ACTG2: variants seen among roughly 807,000 people sequenced by gnomAD.
The protein encoded by ACTG2 is actin gamma 2, smooth muscle, also known as actin, gamma-enteric smooth muscle.
A neutral mutation model predicts 37.6 loss-of-function variants in ACTG2; 16 were observed. The ratio of observed to expected loss-of-function variants is 0.43; its 90% confidence interval spans 0.29 to 0.65. ACTG2 has a LOEUF of 0.65. Among genes scored for constraint, ACTG2 ranks in the 30% least tolerant of loss-of-function variants. The pLI, the probability that ACTG2 is intolerant of heterozygous loss-of-function variation, is 0.18. For synonymous variants in ACTG2, 181 were observed against 179.9 expected (o/e 1.01, Z -0.05); for missense variants, 238 against 490.9 (o/e 0.48, Z 4.87).
intron 3 of ACTG2, among the ~76,000 whole-genome samples, chr2:73,904,624 C>T (rs879315949): frequency 1.3e-5 from 2 of 150,998 alleles, no homozygotes; most frequent in African/African-American, 4.9e-5. Flanking sequence ...CATCACTGCA[C>T]TCCAGCCTGG....
At chr2:73,902,258 T>C (rs1361323338) in intron 2 of ACTG2, 102 bp from the exon 3 acceptor site, 21 of 1,403,998 alleles carry the variant, frequency 1.5e-5, no homozygotes, top group Non-Finnish European at 1.9e-5. Flanking sequence ...AGAAAGGCTG[T>C]TTTTCCCATC....
intron 1 of ACTG2, among the ~76,000 whole-genome samples, chr2:73,893,398 G>A (rs1164574884): frequency 3.9e-5 from 6 of 152,212 alleles, no homozygotes; most frequent in Non-Finnish European, 8.8e-5. Context: ...CTGGGAGGCT[G>A]TTTTAGGGGA....
At chr2:73,898,595 C>A (rs1393216366) in intron 1 of ACTG2, among the ~76,000 whole-genome samples, 2 of 150,850 alleles carry the variant, frequency 1.3e-5, no homozygotes, top group African/African-American at 4.9e-5. Context: ...AAAAGTAGTA[C>A]AATTTAACAC....
At chr2:73,911,422 A>G (rs192270281) in intron 5 of ACTG2, among the ~76,000 whole-genome samples, 100 of 152,164 alleles carry the variant, frequency 6.6e-4, no homozygotes, top group Middle Eastern at 3.4e-3. Context: ...GCTGGAGCCC[A>G]GGAGGCAGAG....
chr2:73,904,398 A>G (rs1348277662), intron 3 of ACTG2, among the ~76,000 whole-genome samples: 1 of 151,628 alleles, frequency 6.6e-6, no homozygotes, highest in African/African-American at 2.4e-5. Flanking sequence ...AAGGCCGGGC[A>G]CAGTGGCTCA....
intron 1 of ACTG2, among the ~76,000 whole-genome samples, chr2:73,899,398 T>A (rs1272405545): frequency 6.6e-6 from 1 of 151,944 alleles, no homozygotes; most frequent in Non-Finnish European, 1.5e-5. Flanking sequence ...GGAGGTCGAG[T>A]CTGCAGTGAA....
At chr2:73,915,469 G>A (rs1427816282) in intron 7 of ACTG2, among the ~76,000 whole-genome samples, 3 of 149,478 alleles carry the variant, frequency 2.0e-5, no homozygotes, top group African/African-American at 7.4e-5. Flanking sequence ...GCAGTGAGCC[G>A]TGATTGTGTC....
At chr2:73,902,063 CTG>C (rs1004706542) in intron 2 of ACTG2, among the ~76,000 whole-genome samples, 6 of 69,236 alleles carry the variant, frequency 8.7e-5, no homozygotes, top group Admixed American at 5.1e-4. Context: ...GTGTGTGTGT[CTG>C]TGTGTAGTAG....
At position 73,919,669 on chromosome 2, in the gene ACTG2, CTCT is replaced by C; in HGVS notation, c.*96_*98del. The C allele has an allele frequency of 7.1e-7, 1 of 1,407,470 alleles. No individual in the cohort carries two copies. The highest frequency in any genetic ancestry group is 1.4e-5 in the South Asian group (1 of 73,164). 87.2% of individuals were successfully genotyped at this position (1,407,470 alleles called of 1,614,324 possible). A position where few individuals can be genotyped will look rare whatever the true frequency, so the allele number is the denominator to read the frequency against. ...ACAAGCCTTACTTCTCTGTGTGGGG[CTCT>C]TTTTTCCTGGGCTATGTCTCATACA... On this transcript the variant is annotated 3_prime_UTR_variant, in exon 9 of 9. Transcript: ENST00000345517.
At chr2:73,901,582 CTGTGCGTGTGT>C in intron 2 of ACTG2, 145 bp downstream of exon 2, 1 of 51,672 alleles carries the variant, frequency 1.9e-5, no homozygotes, top group South Asian at 2.2e-4. Flanking sequence ...GTGTGTGTGT[CTGTGCGTGTGT>C]GTGTGTGTGT....
intron 1 of ACTG2, among the ~76,000 whole-genome samples, chr2:73,899,345 C>T (rs912302491): frequency 2.0e-5 from 3 of 151,976 alleles, no homozygotes; most frequent in African/African-American, 7.3e-5. Context: ...GCCTGTGATC[C>T]CAGCTACTTG....
At chr2:73,912,664 C>A (rs1680163265) in intron 5 of ACTG2, among the ~76,000 whole-genome samples, 1 of 152,172 alleles carries the variant, frequency 6.6e-6, no homozygotes, top group South Asian at 2.1e-4. Flanking sequence ...CCTTACTGAA[C>A]CATCTAACTA....
intron 5 of ACTG2, among the ~76,000 whole-genome samples, 164 bp from the exon 6 acceptor site, chr2:73,913,321 T>C (rs2104820766): frequency 6.6e-6 from 1 of 152,212 alleles, no homozygotes; most frequent in African/African-American, 2.4e-5. Context: ...AAAAGTGACA[T>C]ACATAAAAAA....
At position 73,908,682 on chromosome 2, in the gene ACTG2, C is replaced by T; in HGVS notation, c.265C>T (p.His89Tyr). ...NWDDMEKIWH[H>Y]SFYNELRVAP... ...CTTTTGTCTCCACTAGATCTGGCACCACTCCTTCTACAATGAGCTGCGTGT... is the reference window on the plus strand; with the variant it reads ...CTTTTGTCTCCACTAGATCTGGCACTACTCCTTCTACAATGAGCTGCGTGT... Residue 89 changes from histidine to tyrosine, a missense_variant, in exon 4 of 9, where the codon CAC becomes TAC. By Grantham distance (83) the His-to-Tyr change is moderately conservative (BLOSUM62 2). Coordinates refer to ENST00000345517, the MANE Select transcript of ACTG2 (RefSeq NM_001615.4). The T allele has an allele frequency of 1.9e-6, 3 of 1,605,094 alleles. No homozygotes were observed. Among genetic ancestry groups the T allele is most frequent in the Non-Finnish European group, 2.6e-6 (3 of 1,176,020 alleles).
intron 1 of ACTG2, among the ~76,000 whole-genome samples, 197 bp downstream of exon 1, chr2:73,893,248 G>A (rs1325949822): frequency 6.6e-6 from 1 of 152,310 alleles, no homozygotes; most frequent in South Asian, 2.1e-4. Flanking sequence ...GGACATCCTG[G>A]GGCAGGGGCA....
intron 3 of ACTG2, among the ~76,000 whole-genome samples, chr2:73,907,179 T>C (rs1416919606): frequency 6.6e-6 from 1 of 152,180 alleles, no homozygotes; most frequent in Non-Finnish European, 1.5e-5. Flanking sequence ...GTTTTTCTTT[T>C]TGTTTGTTTT....
At chr2:73,902,878 C>A in intron 3 of ACTG2, 1 of 1,067,738 alleles carries the variant, frequency 9.4e-7, no homozygotes, top group Non-Finnish European at 1.3e-6. Flanking sequence ...TGCCTGATCC[C>A]CGCGATCATC....
At chr2:73,906,771 C>G (rs1424107983) in intron 3 of ACTG2, among the ~76,000 whole-genome samples, 2 of 152,178 alleles carry the variant, frequency 1.3e-5, no homozygotes, top group Non-Finnish European at 2.9e-5. Flanking sequence ...AGTCACCACA[C>G]TCGACCTTAA....
At chr2:73,906,930 A>G (rs764773480) in intron 3 of ACTG2, among the ~76,000 whole-genome samples, 20 of 152,336 alleles carry the variant, frequency 1.3e-4, no homozygotes, top group Middle Eastern at 3.4e-3. Context: ...GGTGACTCTG[A>G]GACAGGGCCT....
Sources: allele counts gnomAD v4.1 joint callset (sites outside exome capture counted in the v4.1 genomes callset), GRCh38; gene constraint gnomAD v4.1.1; transcripts MANE v1.5; gene names NCBI Gene and HGNC (gene_info 2026-07-23, HGNC 2026-07-21).